Variants in MEDAG observed in about 807,000 individuals in gnomAD.
MEDAG encodes the protein mesenteric estrogen-dependent adipogenesis protein.
A neutral mutation model predicts 29.9 loss-of-function variants in MEDAG; 25 were observed. That is an observed-to-expected ratio of 0.84 (90% CI 0.61 to 1.17). The LOEUF (loss-of-function observed/expected upper bound fraction) is 1.17, where lower values mean the gene tolerates loss of function less well. MEDAG is among the 50% of genes most tolerant of loss of function. The pLI is 0.00. For missense variants in MEDAG, 398 were observed against 372.9 expected (o/e 1.07, Z -0.56); for synonymous variants, 158 against 148.2 (o/e 1.07, Z -0.48).
chr13:30,924,376 G>T lies in MEDAG; in HGVS notation c.853G>T (p.Ala285Ser). ...PRSSLTEPLLAELPFPSVLES... is the reference protein window; with the variant it reads ...PRSSLTEPLLSELPFPSVLES... ...ATCATCTCTGACAGAGCCTCTTTTG[G>T]CAGAATTACCATTTCCAAGTGTTCT... Residue 285 changes from alanine (A) to serine (S), a missense_variant, in exon 5 of 5, where the codon GCA becomes TCA. Transcript: ENST00000380482. 1 of 1,613,938 alleles carries T rather than the reference G, an allele frequency of 6.2e-7. No homozygotes were observed. Among genetic ancestry groups the T allele is most frequent in the Non-Finnish European group, 8.5e-7 (1 of 1,179,948 alleles).
rs1952834520 is a variant in MEDAG, at chr13:30,906,721, GCTTCAACGTCT to G, written c.207_217del (p.Phe70ArgfsTer2). ...GGGGAGCCGGCGGCGGCGCGGGGGG[GCTTCAACGTCT>G]TCGGTGACGGCCTCGTGCGCCTCGA... On this transcript the variant is annotated frameshift_variant, in exon 1 of 5. Coordinates refer to ENST00000380482, the MANE Select transcript of MEDAG (RefSeq NM_032849.4). LOFTEE classifies it high-confidence loss of function. 9.2e-6 allele frequency: 14 copies of G among 1,517,830 alleles called. No individual in the cohort carries two copies. In the South Asian group the frequency reaches 1.8e-4, roughly 19 times the overall value. 94.0% of individuals were successfully genotyped at this position (1,517,830 alleles called of 1,614,324 possible).
At chr13:30,912,437 C>T (rs1057346876) in intron 1 of MEDAG, among the ~76,000 whole-genome samples, 1 of 152,068 alleles carries the variant, frequency 6.6e-6, no homozygotes, top group Non-Finnish European at 1.5e-5. Flanking sequence ...GTTCCTGGGC[C>T]TCCTACACAG....
chr13:30,923,329 C>T (rs984538976), intron 4 of MEDAG, among the ~76,000 whole-genome samples: 1 of 151,794 alleles, frequency 6.6e-6, no homozygotes, highest in African/African-American at 2.4e-5. Context: ...TCCCTCCTTC[C>T]TCCTCTCTCT....
chr13:30,925,206 G>C lies in MEDAG; in HGVS notation c.*771G>C, dbSNP rs1276860971. ...TCCTTATTGAAAACACATTATGTCAGTTGGGAATTTTAAATAAGCTTTTAG... is the reference window on the plus strand; with the variant it reads ...TCCTTATTGAAAACACATTATGTCACTTGGGAATTTTAAATAAGCTTTTAG... On this transcript the variant is annotated 3_prime_UTR_variant, in exon 5 of 5. Transcript: ENST00000380482. 1 of 152,146 alleles carries C rather than the reference G, an allele frequency of 6.6e-6. No individual in the cohort carries two copies. The highest frequency in any genetic ancestry group is 2.4e-5 in the African/African-American group (1 of 41,418). The allele number at this position is 152,146 out of a possible 1,614,324, so 9.4% of individuals were successfully genotyped here. A position where few individuals can be genotyped will look rare whatever the true frequency, so the allele number is the denominator to read the frequency against.
intron 2 of MEDAG, 57 bp from the exon 3 acceptor site, chr13:30,920,957 A>C: frequency 7.1e-7 from 1 of 1,404,616 alleles, no homozygotes; most frequent in Non-Finnish European, 1.0e-6. Context: ...AATTATAAGA[A>C]GCATGCTTAT....
At position 30,917,359 on chromosome 13, in the gene MEDAG, T is replaced by C. The variant is rs373965405; in HGVS notation, c.279-44T>C. ...CAGTACATCCCCTTCCTAATTTAGATGAAAGGGTACGTTACATTTGCAATG... is the reference window on the plus strand; with the variant it reads ...CAGTACATCCCCTTCCTAATTTAGACGAAAGGGTACGTTACATTTGCAATG... On this transcript the variant is annotated intron_variant, in intron 1 of 4. Transcript: ENST00000380482. 2.1e-4 allele frequency: 237 copies of C among 1,145,110 alleles called. 1 individual carries two copies. Among genetic ancestry groups the C allele is most frequent in the Non-Finnish European group, 3.1e-4 (235 of 753,302 alleles). 70.9% of individuals were successfully genotyped at this position (1,145,110 alleles called of 1,614,324 possible).
chr13:30,910,298 TG>T (rs1952870323), intron 1 of MEDAG, among the ~76,000 whole-genome samples: 1 of 152,204 alleles, frequency 6.6e-6, no homozygotes, highest in African/African-American at 2.4e-5. Flanking sequence ...CCCTTCTTTT[TG>T]GTGCTCCCCT....
At chr13:30,909,862 C>T (rs1160933421) in intron 1 of MEDAG, among the ~76,000 whole-genome samples, 1 of 152,144 alleles carries the variant, frequency 6.6e-6, no homozygotes, top group East Asian at 1.9e-4. Context: ...ATGATTTTAG[C>T]AGCCCTACTT....
chr13:30,913,273 T>A (rs546420504), intron 1 of MEDAG, among the ~76,000 whole-genome samples: 1 of 152,326 alleles, frequency 6.6e-6, no homozygotes, highest in Admixed American at 6.5e-5. Context: ...TGGAGTGCAG[T>A]GGTGCAGTCA....
chr13:30,906,775 T>C lies in MEDAG; in HGVS notation c.260T>C (p.Leu87Pro). ...LVRLDGQLYR[L>P]SSYIKRYVEL... is the part of the protein sequence containing the mutation. ...CGCCTCGACGGGCAGCTCTACCGCC[T>C]CAGCAGCTACATCAAGAGGTGGGTG... The change falls in exon 1 of 5, where the codon CTC becomes CCC. Residue 87 changes from leucine (L) to proline (P), a missense_variant. Transcript: ENST00000380482. 6.6e-7 allele frequency: 1 copy of C among 1,506,822 alleles called. No individual in the cohort carries two copies. Among genetic ancestry groups the C allele is most frequent in the South Asian group, 1.3e-5 (1 of 77,062 alleles). The allele number at this position is 1,506,822 out of a possible 1,614,324, so 93.3% of individuals were successfully genotyped here. A position where few individuals can be genotyped will look rare whatever the true frequency, so the allele number is the denominator to read the frequency against.
At position 30,906,659 on chromosome 13, in the gene MEDAG, C is replaced by T. The variant is rs758844060; in HGVS notation, c.144C>T (p.Phe48=). The change falls in exon 1 of 5, where the codon TTC becomes TTT. Residue 48 remains phenylalanine (F), a synonymous_variant. Transcript: ENST00000380482. The part of the protein sequence containing the change: ...AQLLRLQPGA[F]QLSGDQLVVA... ...TGCTGCGCCTGCAGCCCGGTGCCTT[C>T]CAGCTGAGCGGCGACCAGCTCGTGG... 5 of 1,565,780 alleles carry T rather than the reference C, an allele frequency of 3.2e-6. 1 individual carries two copies. The South Asian group carries it at 5.7e-5, about 18-fold the overall frequency.
In MEDAG at chr13:30,906,695, CG is replaced by C; in HGVS notation, c.184del (p.Glu62SerfsTer36). 2.6e-6 allele frequency: 4 copies of C among 1,526,790 alleles called. No individual in the cohort carries two copies. Among genetic ancestry groups the C allele is most frequent in the East Asian group, 2.5e-5 (1 of 40,782 alleles). The allele number at this position is 1,526,790 out of a possible 1,614,324, so 94.6% of individuals were successfully genotyped here. A position where few individuals can be genotyped will look rare whatever the true frequency, so the allele number is the denominator to read the frequency against. The stretch of plus-strand genomic sequence containing the variant: ...GCGACCAGCTCGTGGTGGCCAGGCC[CG>C]GGGAGCCGGCGGCGGCGCGGGGGGG... ...SGDQLVVARP[G>X]EPAAARGGFN... On this transcript the variant is annotated frameshift_variant, in exon 1 of 5. Coordinates refer to ENST00000380482, the MANE Select transcript of MEDAG (RefSeq NM_032849.4). LOFTEE classifies it high-confidence loss of function.
Position 30,921,417 on chromosome 13 carries a change from A to G in MEDAG, c.502-144A>G, listed in dbSNP as rs1952983870. The G allele has an allele frequency of 3.4e-6, 3 of 875,530 alleles. No individual in the cohort carries two copies. In the South Asian group the frequency reaches 6.1e-5, roughly 18 times the overall value. The allele number at this position is 875,530 out of a possible 1,614,324, so 54.2% of individuals were successfully genotyped here. On this transcript the variant is annotated intron_variant, in intron 3 of 4. Coordinates refer to ENST00000380482, the MANE Select transcript of MEDAG (RefSeq NM_032849.4). Reference sequence around the variant, plus strand: ...AATGCAAAGTTTTGTTAGAAAAAATAAAGACAACAGTTTAAAAATATGTGT... The same window carrying G: ...AATGCAAAGTTTTGTTAGAAAAAATGAAGACAACAGTTTAAAAATATGTGT...
intron 1 of MEDAG, among the ~76,000 whole-genome samples, chr13:30,911,748 A>G (rs1382365931): frequency 6.6e-6 from 1 of 152,188 alleles, no homozygotes; most frequent in Non-Finnish European, 1.5e-5. Context: ...CCAGTTTGCA[A>G]GCCTATGAAT....
At chr13:30,922,526 T>A (rs1008205275) in intron 4 of MEDAG, 4 of 152,284 alleles carry the variant, frequency 2.6e-5, no homozygotes, top group Non-Finnish European at 4.4e-5. Flanking sequence ...AGTGCTGGGA[T>A]TACAGGTGTG....
chr13:30,924,295 G>A lies in MEDAG; in HGVS notation c.788-16G>A, dbSNP rs753349518. 6.2e-7 allele frequency: 1 copy of A among 1,604,134 alleles called. No homozygotes were observed. Among genetic ancestry groups the A allele is most frequent in the Non-Finnish European group, 8.5e-7 (1 of 1,174,918 alleles). On this transcript the variant is annotated splice_polypyrimidine_tract_variant and intron_variant, in intron 4 of 4. Transcript: ENST00000380482. ...CAGTGATGGTAATAATGCATGCTTT[G>A]TTTACTGTTTTTTAGGTTCAATAGA...
At position 30,921,473 on chromosome 13, in the gene MEDAG, T is replaced by C. The variant is rs561395600; in HGVS notation, c.502-88T>C. ...TGAAAGGGAAATAAGAGGTGTGATG[T>C]TTTGGATATTTAGGCGGTTGTTAGT... On this transcript the variant is annotated intron_variant, in intron 3 of 4. Transcript: ENST00000380482. 2.9e-4 allele frequency: 347 copies of C among 1,206,008 alleles called. 4 individuals are homozygous for C. The South Asian group carries it at 4.8e-3, about 17-fold the overall frequency. The allele number at this position is 1,206,008 out of a possible 1,614,324, so 74.7% of individuals were successfully genotyped here.
chr13:30,906,920 C>T, intron 1 of MEDAG, 127 bp downstream of exon 1: 4 of 947,716 alleles, frequency 4.2e-6, no homozygotes, highest in South Asian at 2.1e-5. Context: ...TTGCTCCGTG[C>T]GCTTCTAGAC....
intron 1 of MEDAG, among the ~76,000 whole-genome samples, chr13:30,915,872 T>C (rs1466169947): frequency 6.6e-6 from 1 of 151,932 alleles, no homozygotes; most frequent in Non-Finnish European, 1.5e-5. Flanking sequence ...ACTCCTGCCA[T>C]CCTCACCCAC....
Sources: gnomAD v4.1 joint callset for allele counts (sites outside exome capture counted in the v4.1 genomes callset) on GRCh38, gnomAD v4.1.1 for gene constraint, MANE v1.5 for transcripts, NCBI Gene and HGNC (gene_info 2026-07-23, HGNC 2026-07-21) for gene names.